PTGIR: variants seen among roughly 807,000 people sequenced by gnomAD.
The protein encoded by PTGIR is prostaglandin I2 receptor.
A neutral mutation model predicts 17.6 loss-of-function variants in PTGIR; 16 were observed. That is an observed-to-expected ratio of 0.91 (90% CI 0.61 to 1.38). The LOEUF is 1.38. Ranked by LOEUF, PTGIR falls within the 40% of genes most tolerant of loss-of-function variation. The pLI, the probability that PTGIR is intolerant of heterozygous loss-of-function variation, is 0.00. For synonymous variants in PTGIR, 274 were observed against 255.4 expected (o/e 1.07, Z -0.69); for missense variants, 532 against 548.6 (o/e 0.97, Z 0.30).
chr19:46,621,849 A>G lies in PTGIR; in HGVS notation c.769-177T>C. ...GGGGAACACAGGGAGAGAAAGCCCC[A>G]GGAAATTGCCAGAGATGCCTAAGGG... is the stretch of plus-strand genomic sequence containing the variant. On this transcript the variant is annotated intron_variant, in intron 2 of 2. Transcript: ENST00000291294. The surrounding 1 kb of genome is among the most constrained non-coding windows in gnomAD (Gnocchi z 4.8). 7.2e-7 allele frequency: 1 copy of G among 1,383,282 alleles called. No individual in the cohort carries two copies. Among genetic ancestry groups the G allele is most frequent in the Non-Finnish European group, 9.3e-7 (1 of 1,071,838 alleles). 85.7% of individuals were successfully genotyped at this position (1,383,282 alleles called of 1,614,324 possible).
downstream of PTGIR, among the ~76,000 whole-genome samples, chr19:46,618,152 C>T (rs1336713953): frequency 1.3e-5 from 2 of 151,644 alleles, no homozygotes; most frequent in Admixed American, 1.3e-4. Flanking sequence ...GTAGCTGGGA[C>T]TACAGGCGCC....
rs776781964 is a variant in PTGIR at position 46,624,164 on chromosome 19, G to T, written c.62C>A (p.Thr21Asn). The change falls in exon 2 of 3, where the codon ACC becomes AAC. Residue 21 changes from threonine to asparagine, a missense_variant. Coordinates refer to ENST00000291294, the MANE Select transcript of PTGIR (RefSeq NM_000960.4). ...VRGSVGPATS[T>N]LMFVAGVVGN... is the part of the protein sequence containing the mutation. ...CACCACACCGGCCACGAACATCAGG[G>T]TGCTGGTGGCCGGCCCCACCGAGCC... is the stretch of plus-strand genomic sequence containing the variant. 1.7e-5 allele frequency: 25 copies of T among 1,506,076 alleles called. No homozygotes were observed. The African/African-American group carries it at 3.1e-4, about 19-fold the overall frequency. 93.3% of individuals were successfully genotyped at this position (1,506,076 alleles called of 1,614,324 possible).
chr19:46,615,318 T>C, the PTGIR span, among the ~76,000 whole-genome samples: 1 of 152,208 alleles, frequency 6.6e-6, no homozygotes, highest in African/African-American at 2.4e-5. Context: ...AAGGAGGACG[T>C]ATGTAGGTTA....
chr19:46,620,031 G>A (rs1972036339), downstream of PTGIR, among the ~76,000 whole-genome samples: 1 of 152,222 alleles, frequency 6.6e-6, no homozygotes, highest in African/African-American at 2.4e-5. Context: ...ACCCCGGCAG[G>A]GCCCAGGGTG....
In PTGIR at chr19:46,621,172, G is replaced by C. The variant is rs199887129; in HGVS notation, c.*108C>G. On this transcript the variant is annotated 3_prime_UTR_variant, in exon 3 of 3. Coordinates refer to ENST00000291294, the MANE Select transcript of PTGIR (RefSeq NM_000960.4). The surrounding 1 kb of genome is among the most constrained non-coding windows in gnomAD (Gnocchi z 4.8). Reference sequence around the variant, plus strand: ...GAGAAACAGCAGCTGATCGGCCCCAGAGTTTGGGGGCCAAGGTTCCAGCAT... The same window carrying C: ...GAGAAACAGCAGCTGATCGGCCCCACAGTTTGGGGGCCAAGGTTCCAGCAT... 7.0e-6 allele frequency: 10 copies of C among 1,421,310 alleles called. No individual in the cohort carries two copies. The highest frequency in any genetic ancestry group is 2.0e-5 in the South Asian group (1 of 51,272). 88.0% of individuals were successfully genotyped at this position (1,421,310 alleles called of 1,614,324 possible).
In PTGIR at chr19:46,623,971, G is replaced by A; in HGVS notation, c.255C>T (p.Ala85=). The A allele has an allele frequency of 1.9e-6, 3 of 1,574,208 alleles. No individual in the cohort carries two copies. Among genetic ancestry groups the A allele is most frequent in the Non-Finnish European group, 2.6e-6 (3 of 1,159,184 alleles). ...CATCGCACAGGGCGGGGCCGCCTCG[G>A]GCCAGGCCCAGCAGGGAGCTGTTGC... is the stretch of plus-strand genomic sequence containing the variant. ...YARNSSLLGL[A]RGGPALCDAF... The change falls in exon 2 of 3, where the codon GCC becomes GCT. Residue 85 remains alanine, a synonymous_variant. Coordinates refer to ENST00000291294, the MANE Select transcript of PTGIR (RefSeq NM_000960.4).
chr19:46,620,915 G>A lies in PTGIR; in HGVS notation c.*365C>T, dbSNP rs955246213. On this transcript the variant is annotated 3_prime_UTR_variant, in exon 3 of 3. Coordinates refer to ENST00000291294, the MANE Select transcript of PTGIR (RefSeq NM_000960.4). ...GGGCAGTTGGGCCTCCTAAGTGGAC[G>A]CAGATTGGAGCCAGCACCCAGACCA... 7.0e-6 allele frequency: 7 copies of A among 1,004,452 alleles called. 1 individual carries two copies. The highest frequency in any genetic ancestry group is 9.8e-5 in the East Asian group (1 of 10,174). 62.2% of individuals were successfully genotyped at this position (1,004,452 alleles called of 1,614,324 possible).
rs2052731191 is a variant in PTGIR, at chr19:46,621,782, A to G, written c.769-110T>C. ...GGATGAGGTAGGGGTGACATGTCAGAGGGGAAGGAGATAAGATAAAGACTA... is the reference window on the plus strand; with the variant it reads ...GGATGAGGTAGGGGTGACATGTCAGGGGGGAAGGAGATAAGATAAAGACTA... On this transcript the variant is annotated intron_variant, in intron 2 of 2. Coordinates refer to ENST00000291294, the MANE Select transcript of PTGIR (RefSeq NM_000960.4). The surrounding 1 kb of genome is among the most constrained non-coding windows in gnomAD (Gnocchi z 4.8). 1 of 1,462,738 alleles carries G rather than the reference A, an allele frequency of 6.8e-7. No individual in the cohort carries two copies. The highest frequency in any genetic ancestry group is 2.7e-5 in the Admixed American group (1 of 37,154). The allele number at this position is 1,462,738 out of a possible 1,614,324, so 90.6% of individuals were successfully genotyped here.
chr19:46,621,238 C>A lies in PTGIR; in HGVS notation c.*42G>T, dbSNP rs201083449. The A allele has an allele frequency of 4.1e-6, 6 of 1,467,746 alleles. No homozygotes were observed. The highest frequency in any genetic ancestry group is 5.4e-6 in the Non-Finnish European group (6 of 1,106,392). 90.9% of individuals were successfully genotyped at this position (1,467,746 alleles called of 1,614,324 possible). ...ATGTCCCTGATTTTCTGGCTCCTGTCGCCCGAAGACAGGGCAGAGATCACA... is the reference window on the plus strand; with the variant it reads ...ATGTCCCTGATTTTCTGGCTCCTGTAGCCCGAAGACAGGGCAGAGATCACA... On this transcript the variant is annotated 3_prime_UTR_variant, in exon 3 of 3. Transcript: ENST00000291294. This position sits in a 1 kb window ranked among gnomAD's most constrained non-coding sequence, Gnocchi z 4.8.
At chr19:46,612,745 C>T in the PTGIR span, among the ~76,000 whole-genome samples, 6 of 152,248 alleles carry the variant, frequency 3.9e-5, 1 homozygote, top group African/African-American at 1.4e-4. Context: ...GAGCTGCCCC[C>T]TTAGCAGTAA....
chr19:46,610,984 C>T, the PTGIR span, among the ~76,000 whole-genome samples: 3 of 152,180 alleles, frequency 2.0e-5, no homozygotes, highest in African/African-American at 4.8e-5. Flanking sequence ...GGGTCATCAA[C>T]GGCAGGGTCC....
At chr19:46,618,508 A>C (rs1350994228), downstream of PTGIR, among the ~76,000 whole-genome samples, 1 of 151,822 alleles carries the variant, frequency 6.6e-6, no homozygotes, top group Non-Finnish European at 1.5e-5. Flanking sequence ...TATGTTGCCC[A>C]GGCTGGTCTT....
At chr19:46,624,280 A>AC in intron 1 of PTGIR, 43 bp from the exon 2 acceptor site, 1 of 1,402,264 alleles carries the variant, frequency 7.1e-7, no homozygotes, top group South Asian at 1.6e-5. Context: ...AGCCAGGGCT[A>AC]CCCCCACCAC....
chr19:46,615,501 C>T (rs927030453), downstream of PTGIR, among the ~76,000 whole-genome samples: 6 of 152,094 alleles, frequency 3.9e-5, no homozygotes, highest in Non-Finnish European at 7.4e-5. Context: ...ATCTGAGCTG[C>T]TTATTATAAA....
rs985103075 is a variant in PTGIR, at chr19:46,621,779, C to T, written c.769-107G>A. ...CAGGGATGAGGTAGGGGTGACATGTCAGAGGGGAAGGAGATAAGATAAAGA... is the reference window on the plus strand; with the variant it reads ...CAGGGATGAGGTAGGGGTGACATGTTAGAGGGGAAGGAGATAAGATAAAGA... On this transcript the variant is annotated intron_variant, in intron 2 of 2. Transcript: ENST00000291294. The surrounding 1 kb of genome is among the most constrained non-coding windows in gnomAD (Gnocchi z 4.8). 2.7e-6 allele frequency: 4 copies of T among 1,469,540 alleles called. No individual in the cohort carries two copies. Among genetic ancestry groups the T allele is most frequent in the Non-Finnish European group, 3.6e-6 (4 of 1,110,286 alleles). 91.0% of individuals were successfully genotyped at this position (1,469,540 alleles called of 1,614,324 possible).
At chr19:46,618,552 G>A (rs761865774), downstream of PTGIR, among the ~76,000 whole-genome samples, 4 of 152,182 alleles carry the variant, frequency 2.6e-5, no homozygotes, top group African/African-American at 4.8e-5. Flanking sequence ...TCCCGCCTCA[G>A]CCTCCCAAAA....
chr19:46,620,852 T>G lies in PTGIR; in HGVS notation c.*428A>C. The G allele has an allele frequency of 1.0e-6, 1 of 989,130 alleles. No individual in the cohort carries two copies. The allele number at this position is 989,130 out of a possible 1,614,324, so 61.3% of individuals were successfully genotyped here. On this transcript the variant is annotated 3_prime_UTR_variant, in exon 3 of 3. Transcript: ENST00000291294. ...AAAGGGGCTGGCTCTTGGAGTGGCT[T>G]GGTAGAGGGGGAGGGCCATCCCCTG...
Position 46,621,747 on chromosome 19 carries a change from T to C in PTGIR, c.769-75A>G. 1 of 1,526,980 alleles carries C rather than the reference T, an allele frequency of 6.5e-7. No homozygotes were observed. The highest frequency in any genetic ancestry group is 2.3e-5 in the East Asian group (1 of 43,172). 94.6% of individuals were successfully genotyped at this position (1,526,980 alleles called of 1,614,324 possible). On this transcript the variant is annotated intron_variant, in intron 2 of 2. Transcript: ENST00000291294. The surrounding 1 kb of genome is among the most constrained non-coding windows in gnomAD (Gnocchi z 4.8). ...CCCACCCTGGCTCCCTCCTCCCACT[T>C]GCTTACCAGGGATGAGGTAGGGGTG...
the PTGIR span, among the ~76,000 whole-genome samples, chr19:46,613,532 G>T: frequency 6.6e-6 from 1 of 151,732 alleles, no homozygotes; most frequent in African/African-American, 2.4e-5. Context: ...GGGTTTCACC[G>T]TGTTGCCCAG....
Sources: gnomAD v4.1 joint callset for allele counts (sites outside exome capture counted in the v4.1 genomes callset) on GRCh38, gnomAD v4.1.1 for gene constraint, Gnocchi (gnomAD v3.1) non-coding constraint, MANE v1.5 for transcripts, NCBI Gene and HGNC (gene_info 2026-07-23, HGNC 2026-07-21) for gene names.